Variants in EDNRA observed in about 807,000 individuals in gnomAD.
The protein encoded by EDNRA is endothelin receptor type A.
A neutral mutation model predicts 41.4 loss-of-function variants in EDNRA; 11 were observed. That is an observed-to-expected ratio of 0.27 (90% CI 0.17 to 0.44). The LOEUF (loss-of-function observed/expected upper bound fraction) is 0.44, where lower values mean the gene tolerates loss of function less well. Among genes scored for constraint, EDNRA ranks in the 20% least tolerant of loss-of-function variants. EDNRA has a pLI of 1.00. For synonymous variants in EDNRA, 172 were observed against 183.0 expected (o/e 0.94, Z 0.49); for missense variants, 294 against 531.0 (o/e 0.55, Z 4.39).
chr4:147,494,643 T>C (rs1729248322), intron 2 of EDNRA: 1 of 152,310 alleles, frequency 6.6e-6, no homozygotes, highest in African/African-American at 2.4e-5. Context: ...TAGGGCCTGA[T>C]AGCATGGTGA....
At chr4:147,527,953 T>A (rs1168757948) in intron 3 of EDNRA, among the ~76,000 whole-genome samples, 1 of 152,192 alleles carries the variant, frequency 6.6e-6, no homozygotes, top group Non-Finnish European at 1.5e-5. Context: ...CATAGATCCC[T>A]CCTTTAAATT....
intron 2 of EDNRA, among the ~76,000 whole-genome samples, chr4:147,507,540 A>T (rs1688548284): frequency 6.6e-6 from 1 of 152,196 alleles, no homozygotes; most frequent in Non-Finnish European, 1.5e-5. Context: ...GGGAATGGGA[A>T]GGGGAGAGAA....
rs201242523 is a variant in EDNRA, at chr4:147,486,106, G to A, written c.420+5G>A. The A allele has an allele frequency of 6.3e-7, 1 of 1,599,524 alleles. No individual in the cohort carries two copies. The highest frequency in any genetic ancestry group is 2.2e-5 in the East Asian group (1 of 44,654). Reference sequence around the variant, plus strand: ...CTCCCTATCAATGTATTTAAGGTAGGAAGTAACCACAAATGTATTTGCAAA... The same window carrying A: ...CTCCCTATCAATGTATTTAAGGTAGAAAGTAACCACAAATGTATTTGCAAA... On this transcript the variant is annotated splice_donor_5th_base_variant and intron_variant, in intron 2 of 7. Coordinates refer to ENST00000651419, the MANE Select transcript of EDNRA (RefSeq NM_001957.4). The surrounding 1 kb of genome is among the most constrained non-coding windows in gnomAD (Gnocchi z 4.3).
intron 3 of EDNRA, among the ~76,000 whole-genome samples, chr4:147,527,998 A>G (rs992717459): frequency 2.6e-5 from 4 of 152,232 alleles, no homozygotes; most frequent in African/African-American, 9.6e-5. Context: ...TTAGCTTTTA[A>G]TCTGTGGCCT....
chr4:147,502,821 T>C lies in EDNRA; in HGVS notation c.420+16720T>C, dbSNP rs574566516. Among the ~76,000 whole-genome samples, 11 of 150,998 alleles carry C rather than the reference T, an allele frequency of 7.3e-5. 1 individual carries two copies. The East Asian group carries it at 1.9e-3, about 27-fold the overall frequency. On this transcript the variant is annotated intron_variant, in intron 2 of 7. Coordinates refer to ENST00000651419, the MANE Select transcript of EDNRA (RefSeq NM_001957.4). Reference sequence around the variant, plus strand: ...CTTTTTTGGAAATAATCTAGGATGATAGAATGGGAGGTATCTCTTCAAAAA... The same window carrying C: ...CTTTTTTGGAAATAATCTAGGATGACAGAATGGGAGGTATCTCTTCAAAAA...
At chr4:147,509,862 G>C (rs896912859) in intron 2 of EDNRA, among the ~76,000 whole-genome samples, 1 of 152,066 alleles carries the variant, frequency 6.6e-6, no homozygotes, top group South Asian at 2.1e-4. Context: ...ATTATATATT[G>C]CAATGTAATC....
intron 4 of EDNRA, 38 bp from the exon 5 acceptor site, chr4:147,535,839 G>T (rs763031164): frequency 6.3e-7 from 1 of 1,598,140 alleles, no homozygotes; most frequent in Non-Finnish European, 8.5e-7. Flanking sequence ...ACATGACTCT[G>T]CTCCTCCTTT....
intron 2 of EDNRA, among the ~76,000 whole-genome samples, chr4:147,512,346 A>C (rs573937775): frequency 6.6e-6 from 1 of 152,306 alleles, no homozygotes; most frequent in African/African-American, 2.4e-5. Flanking sequence ...TCTGGCTTTA[A>C]AAAGTTCTCT....
intron 2 of EDNRA, among the ~76,000 whole-genome samples, chr4:147,505,646 GT>G (rs70958567): frequency 9.7e-4 from 102 of 105,230 alleles, no homozygotes; most frequent in East Asian, 3.3e-3. Context: ...CCCGCCGGCA[GT>G]TTTTTTTTTT....
chr4:147,529,540 G>C (rs1027809415), intron 3 of EDNRA, among the ~76,000 whole-genome samples: 1 of 152,146 alleles, frequency 6.6e-6, no homozygotes, highest in Non-Finnish European at 1.5e-5. Flanking sequence ...CAGTAAGTCA[G>C]AAGGAAAACT....
Position 147,519,994 on chromosome 4 carries a change from C to T in EDNRA, c.548+16C>T, listed in dbSNP as rs1306565517. On this transcript the variant is annotated intron_variant, in intron 3 of 7. Coordinates refer to ENST00000651419, the MANE Select transcript of EDNRA (RefSeq NM_001957.4). The surrounding 1 kb of genome is among the most constrained non-coding windows in gnomAD (Gnocchi z 4.1). ...GTGTTGACAGGTAATGTGGTTCTTT[C>T]CCTTTGCTCTTTGGCTGGGCTTAGA... 38 of 1,592,106 alleles carry T rather than the reference C, an allele frequency of 2.4e-5. No homozygotes were observed. Among genetic ancestry groups the T allele is most frequent in the Non-Finnish European group, 3.2e-5 (37 of 1,170,882 alleles).
chr4:147,526,962 C>A (rs1730577095), intron 3 of EDNRA, among the ~76,000 whole-genome samples: 1 of 152,144 alleles, frequency 6.6e-6, no homozygotes, highest in Non-Finnish European at 1.5e-5. Flanking sequence ...AAAAAGAATT[C>A]TTCCTGCTAG....
chr4:147,529,790 G>T (rs1324898084), intron 3 of EDNRA, among the ~76,000 whole-genome samples: 2 of 152,164 alleles, frequency 1.3e-5, no homozygotes, highest in African/African-American at 4.8e-5. Flanking sequence ...ATTCAAAATA[G>T]AAATCAGTTT....
chr4:147,527,646 C>T (rs1730600297), intron 3 of EDNRA, among the ~76,000 whole-genome samples: 1 of 152,164 alleles, frequency 6.6e-6, no homozygotes, highest in African/African-American at 2.4e-5. Context: ...ACCACACCTT[C>T]AAGATTCAAT....
At chr4:147,481,911 A>T (rs1728774178) in intron 1 of EDNRA, among the ~76,000 whole-genome samples, 1 of 152,148 alleles carries the variant, frequency 6.6e-6, no homozygotes, top group Non-Finnish European at 1.5e-5. Context: ...CTGCCTGTGG[A>T]GGTCTGGGCG....
At position 147,497,149 on chromosome 4, in the gene EDNRA, CTTTTTT is replaced by C. The variant is rs11330586; in HGVS notation, c.420+11069_420+11074del. ...TTAAGAACTAGGCAATAGAATTCTTCTTTTTTTTTTTTTTTTTTTTTTTTTTGTTTA... is the reference window on the plus strand; with the variant it reads ...TTAAGAACTAGGCAATAGAATTCTTCTTTTTTTTTTTTTTTTTTTTGTTTA... On this transcript the variant is annotated intron_variant, in intron 2 of 7. Coordinates refer to ENST00000651419, the MANE Select transcript of EDNRA (RefSeq NM_001957.4). 6.7e-5 allele frequency among the ~76,000 whole-genome samples: 5 copies of C among 75,056 alleles called. No individual in the cohort carries two copies. The East Asian group carries it at 1.7e-3, about 25-fold the overall frequency. The allele number at this position is 75,056 out of a possible 152,430, so 49.2% of individuals were successfully genotyped here.
chr4:147,528,102 T>A (rs899982149), intron 3 of EDNRA, among the ~76,000 whole-genome samples: 2 of 152,186 alleles, frequency 1.3e-5, no homozygotes, highest in African/African-American at 4.8e-5. Flanking sequence ...ACACAGTACA[T>A]CTGTGTAAAC....
At chr4:147,537,095 G>A (rs553569479) in intron 5 of EDNRA, among the ~76,000 whole-genome samples, 2 of 152,180 alleles carry the variant, frequency 1.3e-5, no homozygotes, top group Admixed American at 1.3e-4. Context: ...AAAAGTTAAT[G>A]TGAGTTGTTG....
At chr4:147,508,320 G>A (rs924409527) in intron 2 of EDNRA, among the ~76,000 whole-genome samples, 4 of 152,026 alleles carry the variant, frequency 2.6e-5, no homozygotes, top group Admixed American at 2.6e-4. Flanking sequence ...TGTATTTTTA[G>A]TAGAAACGGG....
Sources: gnomAD v4.1 joint callset for allele counts (sites outside exome capture counted in the v4.1 genomes callset) on GRCh38, gnomAD v4.1.1 for gene constraint, Gnocchi (gnomAD v3.1) non-coding constraint, MANE v1.5 for transcripts, NCBI Gene and HGNC (gene_info 2026-07-23, HGNC 2026-07-21) for gene names.